The following DNAJC10 variants were observed in gnomAD, a reference collection of about 807,000 sequenced individuals.
DNAJC10 encodes the protein DnaJ heat shock protein family (Hsp40) member C10.
DNAJC10 carries 101 observed loss-of-function variants against 115.0 expected under a neutral mutation model. The observed-to-expected ratio is 0.88, with a 90% CI of 0.75 to 1.04. The LOEUF (loss-of-function observed/expected upper bound fraction) is 1.04, where lower values mean the gene tolerates loss of function less well. Among genes scored for constraint, DNAJC10 ranks in the 50% least tolerant of loss-of-function variants. DNAJC10 has a pLI of 0.00. For missense variants in DNAJC10, 981 were observed against 928.8 expected, an observed-to-expected ratio of 1.06 and a Z score of -0.73; for synonymous variants, 307 against 301.5, an observed-to-expected ratio of 1.02 and a Z score of -0.19.
rs1233519251 is a variant in DNAJC10 at position 182,791,055 on chromosome 2, G to A, written c.*13923G>A. On this transcript the variant is annotated 3_prime_UTR_variant, in exon 24 of 24. Coordinates refer to ENST00000264065, the MANE Select transcript of DNAJC10 (RefSeq NM_018981.4). ...AATATTTTTTTAATTTCTTCATTTG[G>A]GATAAAATATTCACTACATAAATTT... 6.6e-6 allele frequency: 1 copy of A among 151,072 alleles called. No homozygotes were observed. Among genetic ancestry groups the A allele is most frequent in the Non-Finnish European group, 1.5e-5 (1 of 67,824 alleles). The allele number at this position is 151,072 out of a possible 1,614,324, so 9.4% of individuals were successfully genotyped here.
At chr2:182,772,509 T>C (rs533019486) in intron 22 of DNAJC10, among the ~76,000 whole-genome samples, 1 of 152,336 alleles carries the variant, frequency 6.6e-6, no homozygotes, top group African/African-American at 2.4e-5. Context: ...CTGTATTGGG[T>C]CCATATATAT....
rs181237579 is a variant in DNAJC10 at position 182,721,979 on chromosome 2, A to G, written c.368-46A>G. The G allele has an allele frequency of 5.8e-4, 634 of 1,101,854 alleles. 1 individual carries two copies. The highest frequency in any genetic ancestry group is 7.6e-4 in the Non-Finnish European group (589 of 771,516). 68.3% of individuals were successfully genotyped at this position (1,101,854 alleles called of 1,614,324 possible). ...AATCTATTTTTATGTTGCAATTTAT[A>G]TGGTGAAGTTTTGATTTTATAATTT... On this transcript the variant is annotated intron_variant, in intron 4 of 23. Coordinates refer to ENST00000264065, the MANE Select transcript of DNAJC10 (RefSeq NM_018981.4).
chr2:182,764,323 G>A (rs190405603), intron 22 of DNAJC10, among the ~76,000 whole-genome samples: 204 of 152,306 alleles, frequency 1.3e-3, no homozygotes, highest in Non-Finnish European at 2.5e-3. Context: ...CACTGAGGCT[G>A]TGTGAATAGA....
intron 22 of DNAJC10, among the ~76,000 whole-genome samples, chr2:182,767,726 A>G (rs1441509906): frequency 1.3e-5 from 2 of 152,172 alleles, no homozygotes; most frequent in African/African-American, 4.8e-5. Context: ...CCGTCCACCA[A>G]GTATTTATTG....
chr2:182,724,888 G>T (rs825668), intron 5 of DNAJC10, among the ~76,000 whole-genome samples: 102,169 of 152,042 alleles, frequency 0.67, 35,051 homozygotes, highest in African/African-American at 0.8. Flanking sequence ...AGAAGTGCTC[G>T]ATGAAGACAA....
At chr2:182,756,544 G>C in intron 18 of DNAJC10, 75 bp downstream of exon 18, 6 of 1,396,202 alleles carry the variant, frequency 4.3e-6, no homozygotes, top group Non-Finnish European at 5.9e-6. Context: ...TTTTGAAACG[G>C]ATGTGAATGA....
rs1437845185 is a variant in DNAJC10, at chr2:182,748,083, C to G, written c.1307-3575C>G. Among the ~76,000 whole-genome samples, 13 of 146,022 alleles carry G rather than the reference C, an allele frequency of 8.9e-5. 1 individual carries two copies. The East Asian group carries it at 1.4e-3, about 16-fold the overall frequency. On this transcript the variant is annotated intron_variant, in intron 14 of 23. Coordinates refer to ENST00000264065, the MANE Select transcript of DNAJC10 (RefSeq NM_018981.4). ...CCTTGCATCCCAGGGATGAAGCCCA[C>G]TTGATCATGGTGGATAAGCTTTTTG... is the stretch of plus-strand genomic sequence containing the variant.
Position 182,729,915 on chromosome 2 carries a change from G to A in DNAJC10, c.701G>A (p.Arg234Lys). The A allele has an allele frequency of 6.2e-7, 1 of 1,608,304 alleles. No individual in the cohort carries two copies. Among genetic ancestry groups the A allele is most frequent in the Non-Finnish European group, 8.5e-7 (1 of 1,177,016 alleles). Residue 234 changes from arginine (R) to lysine (K), a missense_variant, in exon 8 of 24, where the codon AGA (arginine) becomes AAA (lysine). Coordinates refer to ENST00000264065, the MANE Select transcript of DNAJC10 (RefSeq NM_018981.4). ...SLVSFAMQHV[R>K]STVTELWTGN... The stretch of plus-strand genomic sequence containing the variant: ...GTGAGTTTTGCAATGCAGCATGTTA[G>A]AAGTACAGTGACAGAACTTTGGACA...
intron 14 of DNAJC10, among the ~76,000 whole-genome samples, chr2:182,748,573 G>GATA (rs1319857462): frequency 6.6e-6 from 1 of 152,148 alleles, no homozygotes; most frequent in African/African-American, 2.4e-5. Flanking sequence ...GATTGGTGGT[G>GATA]ATATCCCCTT....
At chr2:182,751,324 G>C (rs944018715) in intron 14 of DNAJC10, among the ~76,000 whole-genome samples, 3 of 151,408 alleles carry the variant, frequency 2.0e-5, no homozygotes, top group Non-Finnish European at 4.4e-5. Flanking sequence ...TAGTAGAGAC[G>C]GGGGTTTCAC....
chr2:182,738,791 C>T (rs573337090), intron 11 of DNAJC10, among the ~76,000 whole-genome samples: 21 of 152,240 alleles, frequency 1.4e-4, no homozygotes, highest in African/African-American at 3.4e-4. Context: ...CTGCCGGCCT[C>T]GGCCTCCCAA....
In DNAJC10 at chr2:182,764,702, C is replaced by T. The variant is rs1397773255; in HGVS notation, c.2265+1901C>T. Among the ~76,000 whole-genome samples the T allele has an allele frequency of 2.6e-5, 4 of 152,036 alleles. No homozygotes were observed. In the East Asian group the frequency reaches 5.8e-4, roughly 22 times the overall value. On this transcript the variant is annotated intron_variant, in intron 22 of 23. Coordinates refer to ENST00000264065, the MANE Select transcript of DNAJC10 (RefSeq NM_018981.4). ...TGCATAGTACAAATCAAGACTATGT[C>T]GGTAACATTATTATGCAGAGAGAGG...
chr2:182,716,850 G>C (rs1016754962), intron 1 of DNAJC10, among the ~76,000 whole-genome samples, 166 bp from the exon 2 acceptor site: 2 of 152,170 alleles, frequency 1.3e-5, no homozygotes, highest in African/African-American at 4.8e-5. Flanking sequence ...CCACCTGCCC[G>C]GTAGCTCGGG....
At chr2:182,754,896 G>A in intron 16 of DNAJC10, 107 bp from the exon 17 acceptor site, 1 of 1,279,906 alleles carries the variant, frequency 7.8e-7, no homozygotes, top group Non-Finnish European at 1.1e-6. Context: ...ATTTAGAAAT[G>A]GGTTTTTAAA....
Position 182,793,318 on chromosome 2 carries a change from T to A in DNAJC10, c.*16186T>A, listed in dbSNP as rs904406674. 1 of 152,176 alleles carries A rather than the reference T, an allele frequency of 6.6e-6. No individual in the cohort carries two copies. Among genetic ancestry groups the A allele is most frequent in the Non-Finnish European group, 1.5e-5 (1 of 68,048 alleles). The allele number at this position is 152,176 out of a possible 1,614,324, so 9.4% of individuals were successfully genotyped here. On this transcript the variant is annotated 3_prime_UTR_variant, in exon 24 of 24. Transcript: ENST00000264065. Reference sequence around the variant, plus strand: ...GCAGGTCACTTGTAAGGACTTTAGCTTTCTAACTTTTGTAAGGACTTCAAC... The same window carrying A: ...GCAGGTCACTTGTAAGGACTTTAGCATTCTAACTTTTGTAAGGACTTCAAC...
Position 182,718,024 on chromosome 2 carries a change from A to G in DNAJC10, c.-63A>G. The stretch of plus-strand genomic sequence containing the variant: ...AGAAGTTCTCAAATTTGCATATTAC[A>G]TCAACTGGAACCAGCAGTGAATCTT... On this transcript the variant is annotated 5_prime_UTR_variant, in exon 3 of 24. Coordinates refer to ENST00000264065, the MANE Select transcript of DNAJC10 (RefSeq NM_018981.4). 7.7e-7 allele frequency: 1 copy of G among 1,291,544 alleles called. No individual in the cohort carries two copies. The highest frequency in any genetic ancestry group is 2.4e-5 in the East Asian group (1 of 42,010). The allele number at this position is 1,291,544 out of a possible 1,614,324, so 80.0% of individuals were successfully genotyped here. A position where few individuals can be genotyped will look rare whatever the true frequency, so the allele number is the denominator to read the frequency against.
At position 182,762,788 on chromosome 2, in the gene DNAJC10, A is replaced by C; in HGVS notation, c.2252A>C (p.Tyr751Ser). Residue 751 changes from tyrosine to serine, a missense_variant, in exon 22 of 24, where the codon TAC (tyrosine) becomes TCC (serine). Physicochemically the swap from Tyr to Ser is moderately radical, Grantham distance 144. Coordinates refer to ENST00000264065, the MANE Select transcript of DNAJC10 (RefSeq NM_018981.4). ...TATCCAACTGTTAAATTTTATTTCT[A>C]CGAAAGAGCAAAGGTATGTCCAGAC... ...RAYPTVKFYF[Y>S]ERAKRNFQEE... The C allele has an allele frequency of 6.2e-7, 1 of 1,612,012 alleles. No individual in the cohort carries two copies. Among genetic ancestry groups the C allele is most frequent in the Non-Finnish European group, 8.5e-7 (1 of 1,178,544 alleles).
intron 16 of DNAJC10, among the ~76,000 whole-genome samples, chr2:182,753,568 T>A (rs1029364377): frequency 2.0e-5 from 3 of 147,242 alleles, no homozygotes; most frequent in African/African-American, 7.6e-5. Flanking sequence ...AATTTTAATT[T>A]CTTTAGTTTA....
intron 3 of DNAJC10, among the ~76,000 whole-genome samples, chr2:182,718,928 CATAGTT>C (rs1198745896): frequency 2.0e-5 from 3 of 151,996 alleles, no homozygotes; most frequent in Non-Finnish European, 2.9e-5. Flanking sequence ...AACAAGAAGA[CATAGTT>C]ATAATTTTCT....
Sources: allele counts gnomAD v4.1 joint callset (sites outside exome capture counted in the v4.1 genomes callset), GRCh38; gene constraint gnomAD v4.1.1; transcripts MANE v1.5; gene names NCBI Gene and HGNC (gene_info 2026-07-23, HGNC 2026-07-21).